The following WDR1 variants were observed in gnomAD, a reference collection of about 807,000 sequenced individuals.
The protein encoded by WDR1 is WD repeat domain 1.
Under a neutral mutation model 71.9 loss-of-function variants are expected in WDR1, and 21 were observed. That is an observed-to-expected ratio of 0.29 (90% CI 0.21 to 0.42). The LOEUF (loss-of-function observed/expected upper bound fraction) is 0.42, where lower values mean the gene tolerates loss of function less well. WDR1 is among the 10% of genes least tolerant of loss of function. The pLI is 1.00. For synonymous variants in WDR1, 424 were observed against 347.4 expected (o/e 1.22, Z -2.45); for missense variants, 696 against 824.5 (o/e 0.84, Z 1.91).
At chr4:10,086,250 C>T (rs1282547104) in intron 8 of WDR1, among the ~76,000 whole-genome samples, 2 of 152,218 alleles carry the variant, frequency 1.3e-5, no homozygotes. Context: ...CGGCCCCATG[C>T]TGTGCGTGCC....
Position 10,084,495 on chromosome 4 carries a change from A to C in WDR1, c.987T>G (p.His329Gln). 1 of 1,613,884 alleles carries C rather than the reference A, an allele frequency of 6.2e-7. No homozygotes were observed. ...AAATGTAGGACTTGCCGCCGTTTTT[A>C]TGCACCGTCAGACACTGGATCGATT... Reference protein sequence around the residue: ...HSKSIQCLTVHKNGGKSYIYS... With the variant: ...HSKSIQCLTVQKNGGKSYIYS... The change falls in exon 9 of 15, where the codon CAT becomes CAG. Residue 329 changes from histidine to glutamine, a missense_variant. Physicochemically the swap from His to Gln is conservative, Grantham distance 24. Coordinates refer to ENST00000499869, the MANE Select transcript of WDR1 (RefSeq NM_017491.5).
At chr4:10,114,262 G>A (rs1042711355) in intron 2 of WDR1, among the ~76,000 whole-genome samples, 3 of 152,182 alleles carry the variant, frequency 2.0e-5, no homozygotes, top group African/African-American at 4.8e-5. Flanking sequence ...GGCAAACCAC[G>A]GGGAAGGGGT....
intron 10 of WDR1, among the ~76,000 whole-genome samples, chr4:10,082,704 T>C (rs906701048): frequency 3.9e-5 from 6 of 152,192 alleles, no homozygotes; most frequent in Non-Finnish European, 5.9e-5. Flanking sequence ...GTACCCGCCT[T>C]TACTGATGAG....
At chr4:10,099,697 G>A (rs73212858) in intron 3 of WDR1, among the ~76,000 whole-genome samples, 1 of 152,372 alleles carries the variant, frequency 6.6e-6, no homozygotes, top group Non-Finnish European at 1.5e-5. Flanking sequence ...GCCTCCACCT[G>A]GGCCTGCAGA....
At chr4:10,116,267 G>A (rs776892853) in intron 1 of WDR1, 33 bp from the exon 2 acceptor site, 8 of 1,612,452 alleles carry the variant, frequency 5.0e-6, no homozygotes, top group Non-Finnish European at 6.8e-6. Context: ...GGGCATGTCA[G>A]GGCAGGGCGG....
intron 5 of WDR1, among the ~76,000 whole-genome samples, chr4:10,090,650 C>G (rs2109662377): frequency 6.6e-6 from 1 of 152,348 alleles, no homozygotes; most frequent in South Asian, 2.1e-4. Context: ...AAGACCTGCT[C>G]ACGGCTGGGG....
At chr4:10,086,121 T>G (rs1711535128) in intron 8 of WDR1, among the ~76,000 whole-genome samples, 1 of 152,074 alleles carries the variant, frequency 6.6e-6, no homozygotes, top group Non-Finnish European at 1.5e-5. Flanking sequence ...GGGAAACTGT[T>G]TTTCTGGGCA....
chr4:10,088,357 C>A lies in WDR1; in HGVS notation c.653G>T (p.Gly218Val). Residue 218 changes from glycine (G) to valine (V), a missense_variant, in exon 7 of 15, where the codon GGG becomes GTG. By Grantham distance (109) the Gly-to-Val change is moderately radical. Transcript: ENST00000499869. Reference protein sequence around the residue: ...SADGQIYIYDGKTGEKVCALG... With the variant: ...SADGQIYIYDVKTGEKVCALG... ...CGCGCACACCTTCTCCCCAGTCTTC[C>A]CGTCATAGATGTATATCTTCCAAGA... is the stretch of plus-strand genomic sequence containing the variant. The A allele has an allele frequency of 6.4e-7, 1 of 1,558,298 alleles. No individual in the cohort carries two copies. The highest frequency in any genetic ancestry group is 8.7e-7 in the Non-Finnish European group (1 of 1,150,532).
intron 3 of WDR1, 51 bp from the exon 4 acceptor site, chr4:10,099,190 G>T: frequency 8.4e-7 from 1 of 1,184,870 alleles, no homozygotes. Context: ...TGGGGTAAAG[G>T]GCAGGGGGAG....
At chr4:10,087,642 G>T in intron 8 of WDR1, 65 bp downstream of exon 8, 1 of 1,451,756 alleles carries the variant, frequency 6.9e-7, no homozygotes. Context: ...CCCCTTCCTT[G>T]CTGGCCACTC....
intron 9 of WDR1, chr4:10,083,678 G>T: frequency 1.1e-5 from 5 of 467,260 alleles, no homozygotes; most frequent in Non-Finnish European, 1.3e-5. Context: ...GCAGAACAAC[G>T]CACAGCAGGT....
chr4:10,086,338 C>T lies in WDR1; in HGVS notation c.951+1369G>A, dbSNP rs147522414. Among the ~76,000 whole-genome samples the T allele has an allele frequency of 3.3e-5, 5 of 152,334 alleles. No homozygotes were observed. The East Asian group carries it at 5.8e-4, about 18-fold the overall frequency. On this transcript the variant is annotated intron_variant, in intron 8 of 14. Coordinates refer to ENST00000499869, the MANE Select transcript of WDR1 (RefSeq NM_017491.5). ...CGATTCCCCTCTATCCTCGAGGCCA[C>T]GTCTAGTGAACCTTTATGGTTCAGC...
At chr4:10,093,128 G>A (rs1578431083) in intron 5 of WDR1, 1 of 1,289,400 alleles carries the variant, frequency 7.8e-7, no homozygotes, top group Non-Finnish European at 1.0e-6. Flanking sequence ...GAGCGCTGCA[G>A]GCCCCAGCTG....
At chr4:10,094,341 C>T (rs557271786) in intron 5 of WDR1, among the ~76,000 whole-genome samples, 29 of 152,298 alleles carry the variant, frequency 1.9e-4, no homozygotes, top group Admixed American at 3.9e-4. Context: ...CTCACCCGAC[C>T]GGAGGAAGCG....
intron 3 of WDR1, among the ~76,000 whole-genome samples, chr4:10,102,134 G>C (rs1438709498): frequency 1.3e-5 from 2 of 152,240 alleles, no homozygotes. Flanking sequence ...CCCCAGTTTT[G>C]TGACAGGTAA....
At chr4:10,111,806 C>T (rs144457072) in intron 2 of WDR1, among the ~76,000 whole-genome samples, 1 of 144,500 alleles carries the variant, frequency 6.9e-6, no homozygotes, top group South Asian at 2.4e-4. Context: ...CCCAACCCCC[C>T]ACTTGGTCTG....
At chr4:10,088,777 G>A (rs377307570) in intron 5 of WDR1, 36 bp from the exon 6 acceptor site, 49 of 1,500,898 alleles carry the variant, frequency 3.3e-5, no homozygotes, top group Middle Eastern at 3.4e-4. Context: ...ATGAGGGGCC[G>A]CAGGCCTGAC....
intron 11 of WDR1, among the ~76,000 whole-genome samples, chr4:10,079,900 G>C (rs1764948513): frequency 6.6e-6 from 1 of 152,220 alleles, no homozygotes; most frequent in African/African-American, 2.4e-5. Context: ...GCATTTGCCT[G>C]AAGCTTCGTC....
At chr4:10,109,035 T>A (rs1577078107) in intron 2 of WDR1, among the ~76,000 whole-genome samples, 1 of 152,242 alleles carries the variant, frequency 6.6e-6, no homozygotes, top group Non-Finnish European at 1.5e-5. Context: ...CTGGTAGCTG[T>A]TTATCAAGAA....
Sources: allele counts gnomAD v4.1 joint callset (sites outside exome capture counted in the v4.1 genomes callset), GRCh38; gene constraint gnomAD v4.1.1; transcripts MANE v1.5; gene names NCBI Gene and HGNC (gene_info 2026-07-23, HGNC 2026-07-21).